Variants in SHANK1 observed in about 807,000 individuals in gnomAD.
SHANK1 encodes SH3 and multiple ankyrin repeat domains protein 1.
Under a neutral mutation model 165.6 loss-of-function variants are expected in SHANK1, and 35 were observed. The observed-to-expected ratio is 0.21, with a 90% CI of 0.16 to 0.28. The LOEUF (loss-of-function observed/expected upper bound fraction) is 0.28. SHANK1 is among the 10% of genes least tolerant of loss of function. The probability of loss-of-function intolerance (pLI) is 1.00; values close to 1 mark genes in which losing one functional copy is unlikely to be tolerated. For missense variants in SHANK1, 2,681 were observed against 3,036.4 expected, an observed-to-expected ratio of 0.88 and a Z score of 2.75; for synonymous variants, 1,428 against 1,384.8, an observed-to-expected ratio of 1.03 and a Z score of -0.69.
rs768863534 is a variant in SHANK1, at chr19:50,666,314, C to T, written c.5646G>A (p.Gly1882=). 2.5e-6 allele frequency: 4 copies of T among 1,613,438 alleles called. No individual in the cohort carries two copies. In the East Asian group the frequency reaches 6.7e-5, roughly 27 times the overall value. Residue 1882 remains glycine, a synonymous_variant, in exon 23 of 24, where the codon GGG becomes GGA. Transcript: ENST00000293441. ...SELSSKLQQF[G]GSSAAGGALP... is the part of the protein sequence containing the mutation. ...GAGCGCCGCCAGCTGCCGAGGAGCCCCCAAACTGCTGAAGCTTGGAGCTGA... is the reference window on the plus strand; with the variant it reads ...GAGCGCCGCCAGCTGCCGAGGAGCCTCCAAACTGCTGAAGCTTGGAGCTGA...
At chr19:50,687,717 C>G in intron 18 of SHANK1, 55 bp from the exon 19 acceptor site, 1 of 1,406,624 alleles carries the variant, frequency 7.1e-7, no homozygotes. Context: ...CCCCCACCAC[C>G]CTCTACCACC....
intron 21 of SHANK1, 88 bp from the exon 22 acceptor site, chr19:50,672,202 T>C (rs1431142364): frequency 2.8e-6 from 3 of 1,067,708 alleles, no homozygotes; most frequent in Admixed American, 2.0e-5. Context: ...ACTATACGGC[T>C]GCCCCCATTC....
In SHANK1 at chr19:50,666,435, T is replaced by C; in HGVS notation, c.5525A>G (p.Glu1842Gly). Residue 1842 changes from glutamate (E) to glycine (G), a missense_variant, in exon 23 of 24, where the codon GAG becomes GGG. Physicochemically the swap from Glu to Gly is moderately conservative, Grantham distance 98. Transcript: ENST00000293441. ...SLPRKLLPWE[E>G]GPGPPPPPLP... Reference sequence around the variant, plus strand: ...AGGTGGTGGCGGTGGGCCCGGGCCCTCCTCCCAGGGCAGCAGCTTCCGGGG... The same window carrying C: ...AGGTGGTGGCGGTGGGCCCGGGCCCCCCTCCCAGGGCAGCAGCTTCCGGGG... The C allele has an allele frequency of 6.2e-7, 1 of 1,609,884 alleles. No homozygotes were observed. Among genetic ancestry groups the C allele is most frequent in the Non-Finnish European group, 8.5e-7 (1 of 1,178,878 alleles).
In SHANK1 at chr19:50,688,142, C is replaced by T. The variant is rs1287786494; in HGVS notation, c.2173-84G>A. 1 of 1,504,842 alleles carries T rather than the reference C, an allele frequency of 6.6e-7. No homozygotes were observed. The highest frequency in any genetic ancestry group is 2.3e-5 in the East Asian group (1 of 44,290). 93.2% of individuals were successfully genotyped at this position (1,504,842 alleles called of 1,614,324 possible). Reference sequence around the variant, plus strand: ...TTCAGAGACCCCAAGGAGGATGCCTCCTGCGCTGCCCTGTCCATGGCCCTC... The same window carrying T: ...TTCAGAGACCCCAAGGAGGATGCCTTCTGCGCTGCCCTGTCCATGGCCCTC... On this transcript the variant is annotated intron_variant, in intron 17 of 23. Transcript: ENST00000293441. The surrounding 1 kb of genome is among the most constrained non-coding windows in gnomAD (Gnocchi z 6.7).
intron 12 of SHANK1, among the ~76,000 whole-genome samples, chr19:50,701,211 T>C (rs1032805332): frequency 6.7e-6 from 1 of 149,506 alleles, no homozygotes; most frequent in African/African-American, 2.5e-5. Context: ...TTTTTTTTTT[T>C]TGAGATGGAG....
At position 50,662,486 on chromosome 19, in the gene SHANK1, C is replaced by T. The variant is rs200592795; in HGVS notation, c.5965G>A (p.Glu1989Lys). ...CGGCGGAGCAGAGGGGGCCGCATCTCGAACTCCACGCCCTGGAGGTGGCGG... is the reference window on the plus strand; with the variant it reads ...CGGCGGAGCAGAGGGGGCCGCATCTTGAACTCCACGCCCTGGAGGTGGCGG... ...STRHLQGVEFEMRPPLLRRAP... is the reference protein window; with the variant it reads ...STRHLQGVEFKMRPPLLRRAP... Residue 1989 changes from glutamate to lysine, a missense_variant, in exon 24 of 24, where the codon GAG becomes AAG. By Grantham distance (56) the Glu-to-Lys change is moderately conservative. This residue lies in a region of SHANK1 where 1,713 missense variants were observed against 1,630.2 expected (regional missense o/e 1.05). Coordinates refer to ENST00000293441, the MANE Select transcript of SHANK1 (RefSeq NM_016148.5). This position sits in a 1 kb window ranked among gnomAD's most constrained non-coding sequence, Gnocchi z 7.7. 1.5e-5 allele frequency: 24 copies of T among 1,554,932 alleles called. No homozygotes were observed. In the Admixed American group the frequency reaches 2.1e-4, roughly 14 times the overall value.
intron 22 of SHANK1, among the ~76,000 whole-genome samples, chr19:50,671,324 C>T (rs1985785431): frequency 6.6e-6 from 1 of 150,966 alleles, no homozygotes; most frequent in Non-Finnish European, 1.5e-5. Flanking sequence ...GCTGGGACTA[C>T]AGGTGCCCGC....
chr19:50,699,058 G>C (rs1986826597), intron 12 of SHANK1, among the ~76,000 whole-genome samples: 1 of 152,222 alleles, frequency 6.6e-6, no homozygotes, highest in South Asian at 2.1e-4. Flanking sequence ...GCTAGGGGTT[G>C]AGTTGGGGCC....
chr19:50,691,963 G>T (rs1429160538), intron 15 of SHANK1, among the ~76,000 whole-genome samples: 1 of 152,130 alleles, frequency 6.6e-6, no homozygotes, highest in African/African-American at 2.4e-5. Context: ...GGGATTACAG[G>T]CATGAGTTGC....
Position 50,660,945 on chromosome 19 carries a change from G to A in SHANK1, c.*1020C>T, listed in dbSNP as rs376782463. ...AAAGGGGCAAGAGGGAAGGCGGGGG[G>A]TGGGGGGCTAGGAGTGTCATGGTGA... On this transcript the variant is annotated 3_prime_UTR_variant, in exon 24 of 24. Coordinates refer to ENST00000293441, the MANE Select transcript of SHANK1 (RefSeq NM_016148.5). 2.0e-5 allele frequency among the ~76,000 whole-genome samples: 3 copies of A among 151,132 alleles called. No individual in the cohort carries two copies. Among genetic ancestry groups the A allele is most frequent in the African/African-American group, 7.3e-5 (3 of 41,006 alleles).
intron 22 of SHANK1, among the ~76,000 whole-genome samples, chr19:50,671,475 G>A (rs558127724): frequency 5.0e-5 from 7 of 140,794 alleles, no homozygotes; most frequent in South Asian, 2.3e-4. Flanking sequence ...GAGCCGCTGC[G>A]CCCGGCCCAC....
chr19:50,710,033 C>T (rs1339605754), intron 8 of SHANK1, among the ~76,000 whole-genome samples: 4 of 152,176 alleles, frequency 2.6e-5, no homozygotes, highest in Non-Finnish European at 5.9e-5. Flanking sequence ...GCGTTATTCC[C>T]ATTTCAGGAA....
intron 23 of SHANK1, among the ~76,000 whole-genome samples, chr19:50,665,588 AAAAAG>A (rs1268776628): frequency 8.0e-5 from 12 of 149,302 alleles, no homozygotes; most frequent in Non-Finnish European, 1.6e-4. Context: ...AAAAAAAAAA[AAAAAG>A]AAGAAGAAAA....
chr19:50,698,741 T>C (rs995375191), intron 12 of SHANK1, among the ~76,000 whole-genome samples: 4 of 152,226 alleles, frequency 2.6e-5, no homozygotes, highest in African/African-American at 9.6e-5. Context: ...ACAAGGCTAG[T>C]AACTGACAGA....
chr19:50,716,133 TC>T lies in SHANK1; in HGVS notation c.459+141del. On this transcript the variant is annotated intron_variant, in intron 3 of 23. Coordinates refer to ENST00000293441, the MANE Select transcript of SHANK1 (RefSeq NM_016148.5). This position sits in a 1 kb window ranked among gnomAD's most constrained non-coding sequence, Gnocchi z 8.4. ...AATTTGAACTCAGGACTCTCTGACT[TC>T]CCTGTGATGCTTAGAAGGTCTGGAC... 2 of 791,422 alleles carry T rather than the reference TC, an allele frequency of 2.5e-6. No individual in the cohort carries two copies. 49.0% of individuals were successfully genotyped at this position (791,422 alleles called of 1,614,324 possible).
At chr19:50,714,451 G>C (rs931129762) in intron 4 of SHANK1, among the ~76,000 whole-genome samples, 161 bp from the exon 5 acceptor site, 2 of 152,142 alleles carry the variant, frequency 1.3e-5, no homozygotes, top group Non-Finnish European at 2.9e-5. Flanking sequence ...CAGCCCTTTG[G>C]GAGGCCGAGG....
At chr19:50,701,855 C>T (rs1986925812) in intron 12 of SHANK1, among the ~76,000 whole-genome samples, 1 of 152,206 alleles carries the variant, frequency 6.6e-6, no homozygotes, top group African/African-American at 2.4e-5. Flanking sequence ...AGACTGGCTC[C>T]ACTTTCCAGA....
intron 23 of SHANK1, among the ~76,000 whole-genome samples, chr19:50,665,049 G>A (rs564617653): frequency 6.6e-5 from 10 of 152,262 alleles, no homozygotes; most frequent in South Asian, 4.1e-4. Context: ...GAACCACCAC[G>A]CCCAGCCTGT....
In SHANK1 at chr19:50,697,565, G is replaced by A; in HGVS notation, c.1937+24C>T. 6.3e-7 allele frequency: 1 copy of A among 1,587,332 alleles called. No homozygotes were observed. Among genetic ancestry groups the A allele is most frequent in the Non-Finnish European group, 8.7e-7 (1 of 1,155,650 alleles). On this transcript the variant is annotated intron_variant, in intron 14 of 23. Coordinates refer to ENST00000293441, the MANE Select transcript of SHANK1 (RefSeq NM_016148.5). The surrounding 1 kb of genome is among the most constrained non-coding windows in gnomAD (Gnocchi z 4.7). ...AAGGGAACTTGGGGTGAGGGGGGTT[G>A]CCCGAGGGTGTAAGGACATTTACCT...
Sources: gnomAD v4.1 joint callset for allele counts (sites outside exome capture counted in the v4.1 genomes callset) on GRCh38, gnomAD v4.1.1 for gene constraint, gnomAD v4.1.1 regional missense constraint, Gnocchi (gnomAD v3.1) non-coding constraint, MANE v1.5 for transcripts, NCBI Gene and HGNC (gene_info 2026-07-23, HGNC 2026-07-21) for gene names.